The following WRNIP1 variants were observed in gnomAD, a reference collection of about 807,000 sequenced individuals.
The protein encoded by WRNIP1 is WRN helicase interacting protein 1.
In WRNIP1, 41 loss-of-function variants were observed where a neutral mutation model predicts 56.1. That is an observed-to-expected ratio of 0.73 (90% CI 0.57 to 0.95). The LOEUF (loss-of-function observed/expected upper bound fraction) is 0.95. Ranked by LOEUF, WRNIP1 falls within the 40% of genes least tolerant of loss-of-function variation. The pLI is 0.00. For synonymous variants in WRNIP1, 547 were observed against 398.1 expected (o/e 1.37, Z -4.45); for missense variants, 1,170 against 939.4 (o/e 1.25, Z -3.21).
At chr6:2,783,010 G>A (rs984116320) in intron 4 of WRNIP1, among the ~76,000 whole-genome samples, 10 of 152,268 alleles carry the variant, frequency 6.6e-5, no homozygotes, top group Middle Eastern at 3.4e-3. Flanking sequence ...TCCTGGCTCC[G>A]AGCAGGCCCA....
At chr6:2,772,299 T>G (rs1476619988) in intron 3 of WRNIP1, among the ~76,000 whole-genome samples, 4 of 152,238 alleles carry the variant, frequency 2.6e-5, no homozygotes, top group African/African-American at 9.6e-5. Flanking sequence ...CAGAGAAAAC[T>G]TCCCATATCC....
At chr6:2,776,467 G>A (rs184863372) in intron 3 of WRNIP1, among the ~76,000 whole-genome samples, 120 of 152,292 alleles carry the variant, frequency 7.9e-4, no homozygotes, top group Non-Finnish European at 1.3e-3. Context: ...AGGGAGTGGC[G>A]CGAGCTCAGG....
chr6:2,766,555 G>A, intron 1 of WRNIP1, 111 bp downstream of exon 1: 11 of 1,407,134 alleles, frequency 7.8e-6, no homozygotes, highest in Non-Finnish European at 9.3e-6. Flanking sequence ...GCCTCTCCTG[G>A]ATAAGGGGGT....
intron 4 of WRNIP1, among the ~76,000 whole-genome samples, chr6:2,782,842 G>A (rs184978017): frequency 6.3e-4 from 96 of 152,290 alleles, no homozygotes; most frequent in African/African-American, 1.8e-3. Flanking sequence ...TCCACGTGTC[G>A]GTCCTTCTGG....
At chr6:2,770,001 A>G in intron 2 of WRNIP1, 119 bp from the exon 3 acceptor site, 1 of 1,421,086 alleles carries the variant, frequency 7.0e-7, no homozygotes, top group East Asian at 2.3e-5. Context: ...GGCTGCTGCT[A>G]TTCCTGAACT....
At chr6:2,767,445 C>G (rs1765067917) in intron 1 of WRNIP1, among the ~76,000 whole-genome samples, 1 of 152,226 alleles carries the variant, frequency 6.6e-6, no homozygotes, top group South Asian at 2.1e-4. Flanking sequence ...AGCTTTATCT[C>G]CCACAACTTA....
Position 2,766,083 on chromosome 6 carries a change from C to T in WRNIP1, c.461C>T (p.Pro154Leu), listed in dbSNP as rs898454864. 8.5e-6 allele frequency: 11 copies of T among 1,300,404 alleles called. No individual in the cohort carries two copies. In the Admixed American group the frequency reaches 2.1e-4, roughly 25 times the overall value. The allele number at this position is 1,300,404 out of a possible 1,614,324, so 80.6% of individuals were successfully genotyped here. ...GCCGCCGCGGCGGGGAGCGCGTCTC[C>T]GCGCAGCTGGGACGAGGCGGAGGCG... ...AAAAAAGSAS[P>L]RSWDEAEAQE... The change falls in exon 1 of 7, where the codon CCG becomes CTG. Residue 154 changes from proline (P) to leucine (L), a missense_variant. Pro to Leu is a moderately conservative substitution (Grantham distance 98). Coordinates refer to ENST00000380773, the MANE Select transcript of WRNIP1 (RefSeq NM_020135.3).
At chr6:2,767,030 TA>T (rs1426274338) in intron 1 of WRNIP1, among the ~76,000 whole-genome samples, 1 of 152,194 alleles carries the variant, frequency 6.6e-6, no homozygotes, top group Non-Finnish European at 1.5e-5. Context: ...AAAACTAACA[TA>T]AAAACTTTTT....
Position 2,785,840 on chromosome 6 carries a change from C to T in WRNIP1, c.*558C>T, listed in dbSNP as rs1208300476. Reference sequence around the variant, plus strand: ...GGTGGATACTGGGAAGGAGAAATCACCCCAGATGGGAAGAGTGGGGAGCTT... The same window carrying T: ...GGTGGATACTGGGAAGGAGAAATCATCCCAGATGGGAAGAGTGGGGAGCTT... On this transcript the variant is annotated 3_prime_UTR_variant, in exon 7 of 7. Transcript: ENST00000380773. The T allele has an allele frequency of 6.4e-6, 1 of 155,896 alleles. No individual in the cohort carries two copies. Among genetic ancestry groups the T allele is most frequent in the Non-Finnish European group, 1.4e-5 (1 of 70,300 alleles). The allele number at this position is 155,896 out of a possible 1,614,324, so 9.7% of individuals were successfully genotyped here. A position where few individuals can be genotyped will look rare whatever the true frequency, so the allele number is the denominator to read the frequency against.
chr6:2,765,860 C>G lies in WRNIP1; in HGVS notation c.238C>G (p.Leu80Val). The change falls in exon 1 of 7, where the codon CTG (leucine) becomes GTG (valine). Residue 80 changes from leucine (L) to valine (V), a missense_variant. Leu to Val is a conservative substitution (Grantham distance 32, BLOSUM62 1). Coordinates refer to ENST00000380773, the MANE Select transcript of WRNIP1 (RefSeq NM_020135.3). Reference sequence around the variant, plus strand: ...GCGGCGGCTGTCGGAGAGCTCGGCGCTGAAGCAGCCAGCCACCCCGACGGC... The same window carrying G: ...GCGGCGGCTGTCGGAGAGCTCGGCGGTGAAGCAGCCAGCCACCCCGACGGC... ...KRRRLSESSA[L>V]KQPATPTAAE... The G allele has an allele frequency of 6.9e-7, 1 of 1,441,374 alleles. No individual in the cohort carries two copies. Among genetic ancestry groups the G allele is most frequent in the Non-Finnish European group, 9.1e-7 (1 of 1,098,630 alleles). The allele number at this position is 1,441,374 out of a possible 1,614,324, so 89.3% of individuals were successfully genotyped here.
rs1429486043 is a variant in WRNIP1, at chr6:2,784,369, A to G, written c.1688A>G (p.Gln563Arg). Residue 563 changes from glutamine (Q) to arginine (R), a missense_variant, in exon 6 of 7, where the codon CAA becomes CGA. Coordinates refer to ENST00000380773, the MANE Select transcript of WRNIP1 (RefSeq NM_020135.3). ...TTAACACAAGCGGTTGCTGCCTACC[A>G]AGGCTGTCATTTTATAGGCATGCCT... ...SALTQAVAAY[Q>R]GCHFIGMPEC... 6.2e-7 allele frequency: 1 copy of G among 1,614,148 alleles called. No individual in the cohort carries two copies. The highest frequency in any genetic ancestry group is 2.2e-5 in the East Asian group (1 of 44,892).
chr6:2,776,252 T>C (rs1377799564), intron 3 of WRNIP1, among the ~76,000 whole-genome samples: 7 of 152,196 alleles, frequency 4.6e-5, no homozygotes, highest in Admixed American at 3.3e-4. Context: ...TATTGGGTGT[T>C]TAAGTGGAAC....
At chr6:2,770,982 C>T (rs773721388) in intron 3 of WRNIP1, among the ~76,000 whole-genome samples, 1 of 152,042 alleles carries the variant, frequency 6.6e-6, no homozygotes, top group African/African-American at 2.4e-5. Context: ...CACATGAGCT[C>T]GTTAATGCAC....
At chr6:2,784,051 T>A (rs181173420) in intron 5 of WRNIP1, among the ~76,000 whole-genome samples, 1 of 152,324 alleles carries the variant, frequency 6.6e-6, no homozygotes, top group East Asian at 1.9e-4. Flanking sequence ...AGCCTTCACT[T>A]CTTATGTTTG....
At chr6:2,767,756 C>T (rs1372251633) in intron 1 of WRNIP1, among the ~76,000 whole-genome samples, 4 of 152,194 alleles carry the variant, frequency 2.6e-5, no homozygotes, top group African/African-American at 9.7e-5. Flanking sequence ...AGTGGGTGAG[C>T]TCATCCCACC....
chr6:2,771,839 G>A (rs1765290359), intron 3 of WRNIP1, among the ~76,000 whole-genome samples: 1 of 152,202 alleles, frequency 6.6e-6, no homozygotes, highest in Non-Finnish European at 1.5e-5. Flanking sequence ...TGAAAGAAAA[G>A]GGGGGAAATC....
rs139507877 is a variant in WRNIP1 at position 2,784,355 on chromosome 6, G to T, written c.1674G>T (p.Ala558=). Reference sequence around the variant, plus strand: ...CAGACCCGTCTGCGTTAACACAAGCGGTTGCTGCCTACCAAGGCTGTCATT... The same window carrying T: ...CAGACCCGTCTGCGTTAACACAAGCTGTTGCTGCCTACCAAGGCTGTCATT... ...GLADPSALTQ[A]VAAYQGCHFI... is the part of the protein sequence containing the mutation. The change falls in exon 6 of 7, where the codon GCG becomes GCT. Residue 558 remains alanine (A), a synonymous_variant. Transcript: ENST00000380773. 1.9e-6 allele frequency: 3 copies of T among 1,614,084 alleles called. No homozygotes were observed. In the African/African-American group the frequency reaches 4.0e-5, roughly 22 times the overall value.
At position 2,770,315 on chromosome 6, in the gene WRNIP1, A is replaced by G. The variant is rs1390071478; in HGVS notation, c.1210A>G (p.Ser404Gly). 1 of 1,614,156 alleles carries G rather than the reference A, an allele frequency of 6.2e-7. No individual in the cohort carries two copies. The highest frequency in any genetic ancestry group is 1.1e-5 in the South Asian group (1 of 91,082). Residue 404 changes from serine (S) to glycine (G), a missense_variant, in exon 3 of 7, where the codon AGC (serine) becomes GGC (glycine). Physicochemically the swap from Ser to Gly is moderately conservative, Grantham distance 56. Transcript: ENST00000380773. The stretch of plus-strand genomic sequence containing the variant: ...CCTGGGAATCCACGTCCTAGACTCT[A>G]GCCGTCCCACTGACCCTCTGAGCCA... ...NSLGIHVLDSSRPTDPLSHSS... is the reference protein window; with the variant it reads ...NSLGIHVLDSGRPTDPLSHSS...
At position 2,785,399 on chromosome 6, in the gene WRNIP1, C is replaced by A; in HGVS notation, c.*117C>A. 1.6e-6 allele frequency: 2 copies of A among 1,250,474 alleles called. No individual in the cohort carries two copies. The highest frequency in any genetic ancestry group is 1.5e-5 in the South Asian group (1 of 67,694). 77.5% of individuals were successfully genotyped at this position (1,250,474 alleles called of 1,614,324 possible). A position where few individuals can be genotyped will look rare whatever the true frequency, so the allele number is the denominator to read the frequency against. Reference sequence around the variant, plus strand: ...AGTTAGAACAGACCAACATTTTGTGCCAGAAATTTAAGAGTTCCATAGGTG... The same window carrying A: ...AGTTAGAACAGACCAACATTTTGTGACAGAAATTTAAGAGTTCCATAGGTG... On this transcript the variant is annotated 3_prime_UTR_variant, in exon 7 of 7. Coordinates refer to ENST00000380773, the MANE Select transcript of WRNIP1 (RefSeq NM_020135.3).
Sources: gnomAD v4.1 joint callset for allele counts (sites outside exome capture counted in the v4.1 genomes callset) on GRCh38, gnomAD v4.1.1 for gene constraint, MANE v1.5 for transcripts, NCBI Gene and HGNC (gene_info 2026-07-23, HGNC 2026-07-21) for gene names.